PIK3C3: variants seen among roughly 807,000 people sequenced by gnomAD.
PIK3C3 encodes PI3-kinase type 3.
A neutral mutation model predicts 126.1 loss-of-function variants in PIK3C3; 95 were observed. The ratio of observed to expected loss-of-function variants is 0.75; its 90% CI spans 0.64 to 0.89. The LOEUF is 0.89. Ranked by LOEUF, PIK3C3 falls within the 40% of genes least tolerant of loss-of-function variation. The pLI is 0.00. For missense variants in PIK3C3, 829 were observed against 1,063.2 expected, an observed-to-expected ratio of 0.78 and a Z score of 3.06; for synonymous variants, 374 against 360.0, an observed-to-expected ratio of 1.04 and a Z score of -0.44.
chr18:42,041,946 G>A (rs1383266933), intron 19 of PIK3C3, among the ~76,000 whole-genome samples: 1 of 152,216 alleles, frequency 6.6e-6, no homozygotes, highest in Non-Finnish European at 1.5e-5. Context: ...TAACATAGTA[G>A]CCCTAAGGTT....
intron 18 of PIK3C3, among the ~76,000 whole-genome samples, chr18:42,039,984 T>C (rs1389853720): frequency 2.0e-5 from 3 of 152,128 alleles, no homozygotes; most frequent in Non-Finnish European, 4.4e-5. Context: ...TGCATGCAAA[T>C]TATTATCCTA....
intron 21 of PIK3C3, among the ~76,000 whole-genome samples, chr18:42,057,114 A>G (rs1261314098): frequency 1.4e-5 from 2 of 140,468 alleles, no homozygotes; most frequent in Non-Finnish European, 3.1e-5. Context: ...GTGAAACCTC[A>G]TAATTGTGCC....
intron 12 of PIK3C3, among the ~76,000 whole-genome samples, chr18:42,018,164 T>G (rs565684207): frequency 3.9e-5 from 6 of 152,128 alleles, no homozygotes; most frequent in African/African-American, 1.4e-4. Flanking sequence ...TCACCATTTC[T>G]TCTTATGTCT....
intron 22 of PIK3C3, among the ~76,000 whole-genome samples, chr18:42,063,219 A>G (rs981682618): frequency 5.3e-5 from 8 of 152,176 alleles, no homozygotes; most frequent in Non-Finnish European, 8.8e-5. Flanking sequence ...AAGCAGACAT[A>G]AAATTATCAT....
chr18:42,055,459 A>G (rs542439882), intron 21 of PIK3C3, among the ~76,000 whole-genome samples: 26 of 152,152 alleles, frequency 1.7e-4, no homozygotes, highest in Non-Finnish European at 3.1e-4. Flanking sequence ...AGGTTTTGCT[A>G]TAAGAATAAA....
intron 12 of PIK3C3, among the ~76,000 whole-genome samples, chr18:42,020,059 T>C (rs1255185600): frequency 2.0e-5 from 3 of 152,132 alleles, no homozygotes; most frequent in Non-Finnish European, 4.4e-5. Flanking sequence ...AGGTCTGTAC[T>C]TCACAGGACA....
intron 1 of PIK3C3, 78 bp downstream of exon 1, chr18:41,955,437 G>C (rs2144278807): frequency 8.0e-7 from 1 of 1,252,526 alleles, no homozygotes; most frequent in East Asian, 2.4e-5. Context: ...GGGAGTGAGA[G>C]GCAGAAAGTA....
chr18:42,013,518 A>G lies in PIK3C3; in HGVS notation c.1247A>G (p.Glu416Gly). 1 of 1,598,594 alleles carries G rather than the reference A, an allele frequency of 6.3e-7. No homozygotes were observed. Residue 416 changes from glutamate (E) to glycine (G), a missense_variant, in exon 11 of 25, where the codon GAA becomes GGA. By Grantham distance (98) the Glu-to-Gly change is moderately conservative. This residue lies in a region of PIK3C3 where 256 missense variants were observed against 291.0 expected (regional missense o/e 0.88). Coordinates refer to ENST00000262039, the MANE Select transcript of PIK3C3 (RefSeq NM_002647.4). ...ENFDDIKNGL[E>G]PTKKDSQSSV... ...TTTGATGATATAAAGAATGGATTGG[A>G]ACCTACCAAGAAGGATAGTCAGAGT... is the stretch of plus-strand genomic sequence containing the variant.
At chr18:42,059,399 T>C (rs1022044980) in intron 22 of PIK3C3, among the ~76,000 whole-genome samples, 5 of 152,220 alleles carry the variant, frequency 3.3e-5, no homozygotes, top group African/African-American at 1.2e-4. Flanking sequence ...CCATTTAATA[T>C]CTGCGATTTT....
intron 10 of PIK3C3, among the ~76,000 whole-genome samples, chr18:42,012,291 G>T (rs1234901773): frequency 2.0e-5 from 3 of 152,058 alleles, no homozygotes; most frequent in African/African-American, 7.2e-5. Flanking sequence ...TGTCCTCCTG[G>T]TTTACAAAAT....
chr18:41,984,256 A>G (rs958292371), intron 4 of PIK3C3, among the ~76,000 whole-genome samples: 16 of 152,030 alleles, frequency 1.1e-4, no homozygotes, highest in South Asian at 2.1e-4. Context: ...ACCTGTGTCT[A>G]TTGTTCATTT....
At chr18:42,050,968 A>G (rs1405639105) in intron 21 of PIK3C3, 1 of 152,250 alleles carries the variant, frequency 6.6e-6, no homozygotes, top group Admixed American at 6.5e-5. Context: ...GATCTGTAAT[A>G]ACATATCTGC....
chr18:41,958,785 T>G (rs1299506244), intron 2 of PIK3C3, among the ~76,000 whole-genome samples: 1 of 152,012 alleles, frequency 6.6e-6, no homozygotes, highest in East Asian at 1.9e-4. Flanking sequence ...TATATATACT[T>G]AATACTTTTT....
intron 10 of PIK3C3, among the ~76,000 whole-genome samples, chr18:42,013,032 G>T (rs932400135): frequency 6.6e-6 from 1 of 151,456 alleles, no homozygotes; most frequent in Non-Finnish European, 1.5e-5. Flanking sequence ...AACATAGAAT[G>T]CACTCTTCTG....
At chr18:41,973,540 T>A (rs1980772320) in intron 4 of PIK3C3, among the ~76,000 whole-genome samples, 1 of 152,110 alleles carries the variant, frequency 6.6e-6, no homozygotes, top group Non-Finnish European at 1.5e-5. Flanking sequence ...AAAATTATTT[T>A]GACTGAATTT....
intron 4 of PIK3C3, among the ~76,000 whole-genome samples, chr18:41,971,608 C>T (rs1426763537): frequency 6.6e-6 from 1 of 152,034 alleles, no homozygotes; most frequent in East Asian, 1.9e-4. Flanking sequence ...CATATGTCTA[C>T]CTTTAAGACT....
At chr18:41,970,553 A>T (rs763963929) in intron 4 of PIK3C3, 97 bp downstream of exon 4, 2 of 1,070,234 alleles carry the variant, frequency 1.9e-6, no homozygotes, top group East Asian at 2.5e-5. Context: ...TTTTTAAAAA[A>T]TCTAAATCTT....
intron 24 of PIK3C3, among the ~76,000 whole-genome samples, chr18:42,076,129 T>TATATATGTATATATATATGCAC (rs1985991422): frequency 1.2e-5 from 1 of 81,728 alleles, no homozygotes; most frequent in African/African-American, 8.7e-5. Flanking sequence ...TATGCGCATA[T>TATATATGTATATATATATGCAC]ATATATATAT....
chr18:42,009,201 A>G (rs1046903507), intron 10 of PIK3C3, among the ~76,000 whole-genome samples: 3 of 152,168 alleles, frequency 2.0e-5, no homozygotes, highest in Non-Finnish European at 4.4e-5. Context: ...TATTGCTCCA[A>G]TTAAAAAGTG....
Sources: gnomAD v4.1 joint callset for allele counts (sites outside exome capture counted in the v4.1 genomes callset) on GRCh38, gnomAD v4.1.1 for gene constraint, gnomAD v4.1.1 regional missense constraint, MANE v1.5 for transcripts, NCBI Gene and HGNC (gene_info 2026-07-23, HGNC 2026-07-21) for gene names.